Variants in FOXN3 observed in about 807,000 individuals in gnomAD.
FOXN3 encodes forkhead box N3, also known as forkhead box protein N3.
FOXN3 carries 7 observed loss-of-function variants against 38.4 expected under a neutral mutation model. The ratio of observed to expected loss-of-function variants is 0.18; its 90% CI spans 0.10 to 0.34. The LOEUF (loss-of-function observed/expected upper bound fraction) is 0.34. Among genes scored for constraint, FOXN3 ranks in the 10% least tolerant of loss-of-function variants. FOXN3 has a pLI of 1.00. For missense variants in FOXN3, 456 were observed against 613.4 expected, an observed-to-expected ratio of 0.74 and a Z score of 2.71; for synonymous variants, 230 against 242.2, an observed-to-expected ratio of 0.95 and a Z score of 0.47.
intron 4 of FOXN3, among the ~76,000 whole-genome samples, chr14:89,188,613 T>C (rs1171455681): frequency 6.6e-6 from 1 of 152,240 alleles, no homozygotes; most frequent in African/African-American, 2.4e-5. Flanking sequence ...TGGTCCCATT[T>C]TCCCTCTGAA....
At chr14:89,595,944 C>T (rs182561355) in intron 1 of FOXN3, among the ~76,000 whole-genome samples, 254 of 152,260 alleles carry the variant, frequency 1.7e-3, no homozygotes, top group Admixed American at 4.2e-3. Context: ...ATATTTTCTA[C>T]ATCTATTGAG....
chr14:89,345,883 C>G (rs994769009), intron 3 of FOXN3, among the ~76,000 whole-genome samples: 1 of 152,172 alleles, frequency 6.6e-6, no homozygotes, highest in Non-Finnish European at 1.5e-5. Context: ...GAAACCCCGT[C>G]TCTACTAAAA....
chr14:89,169,850 G>C (rs1887342623), intron 5 of FOXN3, among the ~76,000 whole-genome samples: 2 of 151,978 alleles, frequency 1.3e-5, no homozygotes, highest in Non-Finnish European at 2.9e-5. Flanking sequence ...TGAAAAAATA[G>C]GGCAAACACA....
chr14:89,393,777 A>G (rs972388784), intron 2 of FOXN3, among the ~76,000 whole-genome samples: 8 of 152,236 alleles, frequency 5.3e-5, no homozygotes, highest in African/African-American at 1.9e-4. Flanking sequence ...AGTGAGGCAG[A>G]AATGACACAC....
chr14:89,182,422 T>C (rs1192775536), intron 4 of FOXN3, among the ~76,000 whole-genome samples: 1 of 152,236 alleles, frequency 6.6e-6, no homozygotes, highest in Non-Finnish European at 1.5e-5. Flanking sequence ...ATGGAAACTC[T>C]CGCCTAAGTC....
At chr14:89,449,255 A>G (rs1892569080) in intron 1 of FOXN3, among the ~76,000 whole-genome samples, 1 of 152,244 alleles carries the variant, frequency 6.6e-6, no homozygotes, top group African/African-American at 2.4e-5. Flanking sequence ...TGGCAATGCC[A>G]GCAGGCTATC....
rs919177683 is a variant in FOXN3 at position 89,325,241 on chromosome 14, C to T, written c.680+25431G>A. Among the ~76,000 whole-genome samples the T allele has an allele frequency of 1.4e-4, 15 of 108,078 alleles. 1 individual carries two copies. Among genetic ancestry groups the T allele is most frequent in the African/African-American group, 6.4e-4 (14 of 21,780 alleles). The allele number at this position is 108,078 out of a possible 152,430, so 70.9% of individuals were successfully genotyped here. On this transcript the variant is annotated intron_variant, in intron 3 of 5. Coordinates refer to ENST00000557258, the MANE Select transcript of FOXN3 (RefSeq NM_005197.4). ...ACCACCACCACCACCATCACTACCA[C>T]CACCACGACCACCACCACCACCACC...
At chr14:89,441,146 A>C (rs1012866529) in intron 1 of FOXN3, among the ~76,000 whole-genome samples, 2 of 151,788 alleles carry the variant, frequency 1.3e-5, no homozygotes, top group African/African-American at 2.4e-5. Flanking sequence ...CTTCAGGCCA[A>C]CTCCCCCAGA....
intron 5 of FOXN3, among the ~76,000 whole-genome samples, chr14:89,179,430 A>G (rs1416031397): frequency 6.6e-6 from 1 of 152,192 alleles, no homozygotes; most frequent in Non-Finnish European, 1.5e-5. Context: ...CCTTTTGGAC[A>G]TGAAACACTA....
chr14:89,608,481 C>T (rs1412762384), intron 1 of FOXN3, among the ~76,000 whole-genome samples: 2 of 152,254 alleles, frequency 1.3e-5, no homozygotes, highest in Non-Finnish European at 2.9e-5. Flanking sequence ...CATCTATCCA[C>T]AGCATACATA....
At chr14:89,333,724 G>A (rs1888330538) in intron 3 of FOXN3, among the ~76,000 whole-genome samples, 1 of 109,566 alleles carries the variant, frequency 9.1e-6, no homozygotes, top group South Asian at 3.6e-4. Flanking sequence ...CTGCACTCCA[G>A]CCTGGGTGAA....
chr14:89,174,816 A>C (rs1273253410), intron 5 of FOXN3, among the ~76,000 whole-genome samples: 1 of 152,166 alleles, frequency 6.6e-6, no homozygotes, highest in Non-Finnish European at 1.5e-5. Flanking sequence ...CTAGCTCTTT[A>C]GTATTTTCTC....
chr14:89,428,799 G>A (rs1433770147), intron 1 of FOXN3, among the ~76,000 whole-genome samples: 2 of 152,198 alleles, frequency 1.3e-5, no homozygotes, highest in African/African-American at 4.8e-5. Flanking sequence ...AGGCCTCCAC[G>A]CCCCACGAGT....
At chr14:89,285,496 G>A (rs1332382946) in intron 3 of FOXN3, among the ~76,000 whole-genome samples, 1 of 149,176 alleles carries the variant, frequency 6.7e-6, no homozygotes, top group Non-Finnish European at 1.5e-5. Flanking sequence ...TCCAGCCTGA[G>A]TGACAGAGCA....
At chr14:89,533,922 A>G (rs552996974) in intron 1 of FOXN3, among the ~76,000 whole-genome samples, 12 of 151,406 alleles carry the variant, frequency 7.9e-5, no homozygotes, top group South Asian at 6.2e-4. Flanking sequence ...TTTTTGCTTG[A>G]CTGGTTTTTG....
At chr14:89,341,171 G>T (rs1484563597) in intron 3 of FOXN3, among the ~76,000 whole-genome samples, 1 of 152,094 alleles carries the variant, frequency 6.6e-6, no homozygotes, top group African/African-American at 2.4e-5. Flanking sequence ...CATCCCTGGG[G>T]GTAGCTCATT....
chr14:89,178,403 G>C (rs1271046431), intron 5 of FOXN3, among the ~76,000 whole-genome samples: 4 of 152,144 alleles, frequency 2.6e-5, no homozygotes, highest in Non-Finnish European at 5.9e-5. Flanking sequence ...TCCTGCCTCA[G>C]CCTCCCAAAG....
chr14:89,191,349 C>T lies in FOXN3; in HGVS notation c.746-10543G>A, dbSNP rs530813761. Among the ~76,000 whole-genome samples, 10 of 152,282 alleles carry T rather than the reference C, an allele frequency of 6.6e-5. No individual in the cohort carries two copies. In the South Asian group the frequency reaches 1.5e-3, roughly 22 times the overall value. On this transcript the variant is annotated intron_variant, in intron 4 of 5. Transcript: ENST00000557258. Reference sequence around the variant, plus strand: ...GCGCAGCGTCCCAGCTGCCCTGGGGCGAAATTCACTAATAGTGCGGTGATG... The same window carrying T: ...GCGCAGCGTCCCAGCTGCCCTGGGGTGAAATTCACTAATAGTGCGGTGATG...
intron 1 of FOXN3, among the ~76,000 whole-genome samples, chr14:89,472,163 G>A (rs1004661894): frequency 2.0e-5 from 3 of 151,998 alleles, no homozygotes; most frequent in Non-Finnish European, 2.9e-5. Context: ...GCTGAGGCAG[G>A]AGAATCGCTG....
Sources: allele counts gnomAD v4.1 joint callset (sites outside exome capture counted in the v4.1 genomes callset), GRCh38; gene constraint gnomAD v4.1.1; transcripts MANE v1.5; gene names NCBI Gene and HGNC (gene_info 2026-07-23, HGNC 2026-07-21).